Variants in PCDH15 observed in about 807,000 individuals in gnomAD.
PCDH15 encodes protocadherin-15.
In PCDH15, 129 loss-of-function variants were observed where a neutral mutation model predicts 178.5. That is an observed-to-expected ratio of 0.72 (90% CI 0.63 to 0.84). The LOEUF (loss-of-function observed/expected upper bound fraction) is 0.84, where lower values mean the gene tolerates loss of function less well. Among genes scored for constraint, PCDH15 ranks in the 40% least tolerant of loss-of-function variants. The pLI, the probability that PCDH15 is intolerant of heterozygous loss-of-function variation, is 0.00. For missense variants in PCDH15, 2,230 were observed against 2,099.9 expected (o/e 1.06, Z -1.21); for synonymous variants, 800 against 732.0 (o/e 1.09, Z -1.50).
intron 2 of PCDH15, among the ~76,000 whole-genome samples, chr10:54,534,135 G>A (rs1390299124): frequency 6.6e-6 from 1 of 151,982 alleles, no homozygotes; most frequent in African/African-American, 2.4e-5. Context: ...GCTTTTATTA[G>A]TATCCTTATT....
intron 36 of PCDH15, among the ~76,000 whole-genome samples, chr10:53,811,033 T>C (rs965179096): frequency 6.6e-6 from 1 of 152,234 alleles, no homozygotes; most frequent in African/African-American, 2.4e-5. Flanking sequence ...AATCTGTATG[T>C]TGGTAGCAAG....
At chr10:54,550,537 T>C (rs560599094) in intron 2 of PCDH15, among the ~76,000 whole-genome samples, 15 of 152,030 alleles carry the variant, frequency 9.9e-5, no homozygotes, top group Middle Eastern at 3.4e-3. Context: ...ACATATACAA[T>C]GTTTGTTGTA....
intron 18 of PCDH15, among the ~76,000 whole-genome samples, chr10:54,056,471 G>C (rs999887044): frequency 4.6e-5 from 7 of 152,182 alleles, no homozygotes; most frequent in Non-Finnish European, 1.0e-4. Flanking sequence ...TGGCAGGCAG[G>C]AGAGAGCTTG....
chr10:54,120,385 T>A (rs1214923908), intron 15 of PCDH15, among the ~76,000 whole-genome samples: 1 of 152,110 alleles, frequency 6.6e-6, no homozygotes, highest in Non-Finnish European at 1.5e-5. Flanking sequence ...GCTAACAACT[T>A]AATGATAGAA....
chr10:55,627,753 A>G (rs897276775), exon 2 of PCDH15: 1 of 152,056 alleles, frequency 6.6e-6, no homozygotes, highest in East Asian at 1.9e-4. Flanking sequence ...TTCTCTCTCG[A>G]CTAGTTACCA....
intron 23 of PCDH15, among the ~76,000 whole-genome samples, chr10:53,956,622 T>C (rs2087636625): frequency 6.6e-6 from 1 of 152,186 alleles, no homozygotes; most frequent in East Asian, 1.9e-4. Flanking sequence ...ATTCTTAGCA[T>C]CTCTGGGAGT....
At chr10:54,318,697 T>G (rs1467266531) in intron 7 of PCDH15, among the ~76,000 whole-genome samples, 2 of 152,200 alleles carry the variant, frequency 1.3e-5, no homozygotes, top group Non-Finnish European at 2.9e-5. Context: ...CTGGATATTT[T>G]GCAGAATGTC....
chr10:55,509,382 C>T (rs548267144), intron 2 of PCDH15, among the ~76,000 whole-genome samples: 1 of 151,774 alleles, frequency 6.6e-6, no homozygotes, highest in Non-Finnish European at 1.5e-5. Flanking sequence ...CGAAACCAAG[C>T]AGATGTGGAA....
intron 15 of PCDH15, among the ~76,000 whole-genome samples, chr10:54,129,491 A>G (rs1480802022): frequency 2.0e-5 from 3 of 152,230 alleles, no homozygotes; most frequent in Non-Finnish European, 4.4e-5. Flanking sequence ...GAGATGATCC[A>G]TGATGGACAT....
chr10:54,720,652 C>G (rs1941443171), intron 1 of PCDH15, among the ~76,000 whole-genome samples: 1 of 151,966 alleles, frequency 6.6e-6, no homozygotes, highest in Non-Finnish European at 1.5e-5. Context: ...TTCAGTACAA[C>G]TTTCTTCACA....
intron 3 of PCDH15, among the ~76,000 whole-genome samples, chr10:54,814,874 G>A (rs1859376332): frequency 6.6e-6 from 1 of 152,104 alleles, no homozygotes; most frequent in South Asian, 2.1e-4. Flanking sequence ...TCCATCTGAT[G>A]TGAGGCTATT....
intron 2 of PCDH15, among the ~76,000 whole-genome samples, chr10:55,560,484 T>C (rs1195978108): frequency 6.6e-6 from 1 of 151,934 alleles, no homozygotes; most frequent in African/African-American, 2.4e-5. Flanking sequence ...AATATGTTCC[T>C]GAGTAACATA....
chr10:54,978,846 T>G (rs969114944), intron 2 of PCDH15, among the ~76,000 whole-genome samples: 4 of 152,184 alleles, frequency 2.6e-5, no homozygotes, highest in African/African-American at 9.7e-5. Context: ...CTTCTACATT[T>G]CTTCCACATC....
chr10:55,246,729 T>C (rs1345187222), intron 1 of PCDH15, among the ~76,000 whole-genome samples: 1 of 152,172 alleles, frequency 6.6e-6, no homozygotes, highest in African/African-American at 2.4e-5. Context: ...CAAAAAATCA[T>C]TTATTACAGA....
intron 2 of PCDH15, among the ~76,000 whole-genome samples, chr10:55,106,373 G>T (rs1015719502): frequency 4.6e-5 from 7 of 152,164 alleles, no homozygotes; most frequent in Admixed American, 3.3e-4. Flanking sequence ...AGAATAAGAA[G>T]ATATGAAACA....
chr10:55,086,447 T>C (rs969931398), intron 2 of PCDH15, among the ~76,000 whole-genome samples: 11 of 152,070 alleles, frequency 7.2e-5, no homozygotes, highest in Admixed American at 6.6e-4. Context: ...TAAAATAACA[T>C]AGGTTCCCTC....
chr10:53,986,181 C>T (rs1469048866), intron 21 of PCDH15, among the ~76,000 whole-genome samples: 1 of 151,924 alleles, frequency 6.6e-6, no homozygotes, highest in Non-Finnish European at 1.5e-5. Context: ...AAAACAACAA[C>T]ATACACACTC....
chr10:55,270,139 T>C (rs1228380048), intron 1 of PCDH15, among the ~76,000 whole-genome samples: 1 of 152,050 alleles, frequency 6.6e-6, no homozygotes, highest in African/African-American at 2.4e-5. Flanking sequence ...TAACTCAAGA[T>C]GAATAAAACA....
At chr10:54,376,661 TACA>T (rs531776183) in intron 4 of PCDH15, among the ~76,000 whole-genome samples, 14 of 151,778 alleles carry the variant, frequency 9.2e-5, no homozygotes, top group Non-Finnish European at 1.6e-4. Context: ...AGTAAAAACA[TACA>T]ACACCTCTCC....
Sources: gnomAD v4.1 joint callset for allele counts (sites outside exome capture counted in the v4.1 genomes callset) on GRCh38, gnomAD v4.1.1 for gene constraint, MANE v1.5 for transcripts, NCBI Gene and HGNC (gene_info 2026-07-23, HGNC 2026-07-21) for gene names.